Variants in RYR3 observed in about 807,000 individuals in gnomAD.
RYR3 encodes the protein ryanodine receptor 3.
In RYR3, 207 loss-of-function variants were observed where a neutral mutation model predicts 584.3. The ratio of observed to expected loss-of-function variants is 0.35; its 90% confidence interval spans 0.32 to 0.40. The LOEUF (loss-of-function observed/expected upper bound fraction) is 0.40, where lower values mean the gene tolerates loss of function less well. Ranked by LOEUF, RYR3 falls within the 10% of genes least tolerant of loss-of-function variation. The pLI is 1.00. For synonymous variants in RYR3, 2,416 were observed against 2,248.5 expected, an observed-to-expected ratio of 1.07 and a Z score of -2.11; for missense variants, 5,616 against 6,089.2, an observed-to-expected ratio of 0.92 and a Z score of 2.59.
chr15:33,802,038 T>C (rs762431111), intron 69 of RYR3, 77 bp downstream of exon 69: 3 of 914,712 alleles, frequency 3.3e-6, no homozygotes, highest in East Asian at 4.8e-5. Flanking sequence ...TCATACTTTC[T>C]GGGGATTAAC....
intron 30 of RYR3, among the ~76,000 whole-genome samples, chr15:33,648,143 C>T (rs1337548942): frequency 1.3e-5 from 2 of 152,290 alleles, no homozygotes; most frequent in African/African-American, 4.8e-5. Context: ...ACACTGTGCT[C>T]GGCACATTGT....
At chr15:33,482,263 A>G (rs1034521046) in intron 2 of RYR3, among the ~76,000 whole-genome samples, 1 of 152,126 alleles carries the variant, frequency 6.6e-6, no homozygotes, top group African/African-American at 2.4e-5. Context: ...TGAAGATGGC[A>G]TCTTATTGCC....
At chr15:33,836,844 C>T in intron 87 of RYR3, 62 bp from the exon 88 acceptor site, 4 of 1,352,268 alleles carry the variant, frequency 3.0e-6, no homozygotes, top group East Asian at 4.7e-5. Context: ...TCTTCTCGCT[C>T]ACTGCCCTGT....
At chr15:33,482,432 T>TGTTTGAGATGGAGCTTCACTCTTGTCAC (rs1313185987) in intron 2 of RYR3, among the ~76,000 whole-genome samples, 1 of 152,170 alleles carries the variant, frequency 6.6e-6, no homozygotes, top group East Asian at 1.9e-4. Context: ...TGTTTGTTGT[T>TGTTTGAGATGGAGCTTCACTCTTGTCAC]GTTTGAGATG....
At position 33,613,186 on chromosome 15, in the gene RYR3, G is replaced by A. The variant is rs267604157; in HGVS notation, c.2168G>A (p.Arg723Gln). ...GFDGLHLWSG[R>Q]IPRAVASINQ... ...CTTCCTGTTCTTTCCTCACCAGGCC[G>A]GATACCCAGAGCTGTGGCTTCCATC... is the stretch of plus-strand genomic sequence containing the variant. Residue 723 changes from arginine to glutamine, a missense_variant, in exon 19 of 104, where the codon CGG (arginine) becomes CAG (glutamine). Transcript: ENST00000634891. 4 of 1,612,868 alleles carry A rather than the reference G, an allele frequency of 2.5e-6. No individual in the cohort carries two copies. Among genetic ancestry groups the A allele is most frequent in the Non-Finnish European group, 2.5e-6 (3 of 1,179,216 alleles).
At position 33,755,170 on chromosome 15, in the gene RYR3, T is replaced by C. The variant is rs2071688538; in HGVS notation, c.8505T>C (p.Ile2835=). 6.3e-7 allele frequency: 1 copy of C among 1,592,886 alleles called. No individual in the cohort carries two copies. Among genetic ancestry groups the C allele is most frequent in the Non-Finnish European group, 8.6e-7 (1 of 1,162,192 alleles). ...ACGTTGATTCTGCTCAAGAATTTAT[T>C]GCCCATTTAGGTAAGTATCATCATG... The part of the protein sequence containing the change: ...LKYVDSAQEF[I]AHLEAIVSSG... Residue 2835 remains isoleucine (I), a synonymous_variant, in exon 58 of 104, where the codon ATT becomes ATC. Transcript: ENST00000634891.
intron 25 of RYR3, 48 bp from the exon 26 acceptor site, chr15:33,635,566 T>A (rs1291425748): frequency 6.9e-7 from 1 of 1,455,440 alleles, no homozygotes. Context: ...AGGTCTACGT[T>A]CTCTCTTTCC....
At chr15:33,579,035 G>A (rs1484213415) in intron 12 of RYR3, among the ~76,000 whole-genome samples, 1 of 151,260 alleles carries the variant, frequency 6.6e-6, no homozygotes, top group Non-Finnish European at 1.5e-5. Context: ...GATTAAAACA[G>A]AAAAAGAGAC....
chr15:33,367,525 T>A (rs2141059078), intron 1 of RYR3, among the ~76,000 whole-genome samples: 1 of 152,312 alleles, frequency 6.6e-6, no homozygotes, highest in African/African-American at 2.4e-5. Flanking sequence ...CATAAGAATA[T>A]AAGAGTGCCC....
At position 33,838,453 on chromosome 15, in the gene RYR3, A is replaced by G. The variant is rs2078169131; in HGVS notation, c.12473A>G (p.Lys4158Arg). 2 of 1,613,930 alleles carry G rather than the reference A, an allele frequency of 1.2e-6. No homozygotes were observed. Among genetic ancestry groups the G allele is most frequent in the Admixed American group, 3.3e-5 (2 of 60,000 alleles). Residue 4158 changes from lysine (K) to arginine (R), a missense_variant, in exon 89 of 104, where the codon AAG (lysine) becomes AGG (arginine). Physicochemically the swap from Lys to Arg is conservative, Grantham distance 26. Around this residue, in one of 9 missense-constraint regions of RYR3, gnomAD observed 918 missense variants for 887.4 expected, o/e 1.03. Transcript: ENST00000634891. ...SVKRNVTDFL[K>R]RATLKNLRKQ... ...AAGAGGAATGTCACCGACTTCCTGAAGAGAGCAACCCTGAAGAACCTCAGG... is the reference window on the plus strand; with the variant it reads ...AAGAGGAATGTCACCGACTTCCTGAGGAGAGCAACCCTGAAGAACCTCAGG...
At chr15:33,816,770 AG>A in intron 74 of RYR3, 91 bp from the exon 75 acceptor site, 1 of 748,906 alleles carries the variant, frequency 1.3e-6, no homozygotes, top group Non-Finnish European at 2.2e-6. Context: ...ATTGTACAAA[AG>A]TCTGTCCTGC....
chr15:33,610,471 G>A (rs1485802494), intron 18 of RYR3, among the ~76,000 whole-genome samples: 1 of 152,160 alleles, frequency 6.6e-6, no homozygotes, highest in Admixed American at 6.5e-5. Context: ...CCAGTCCCAG[G>A]TGTAGTATCT....
At chr15:33,520,461 G>A (rs2053897219) in intron 3 of RYR3, among the ~76,000 whole-genome samples, 1 of 152,160 alleles carries the variant, frequency 6.6e-6, no homozygotes, top group Non-Finnish European at 1.5e-5. Flanking sequence ...TGAGGAGGAG[G>A]AGTATGGGTG....
chr15:33,556,471 A>T (rs1485659148), intron 10 of RYR3, among the ~76,000 whole-genome samples: 1 of 152,224 alleles, frequency 6.6e-6, no homozygotes, highest in African/African-American at 2.4e-5. Context: ...ATGCTGCATT[A>T]GAGTTCAAAA....
intron 29 of RYR3, 39 bp downstream of exon 29, chr15:33,646,565 T>C (rs1333539996): frequency 1.0e-5 from 16 of 1,563,914 alleles, no homozygotes; most frequent in Non-Finnish European, 1.4e-5. Context: ...GCACTCATTG[T>C]ATCTCCTGTA....
At chr15:33,841,686 T>C (rs1596956201) in intron 90 of RYR3, 178 bp from the exon 91 acceptor site, 5 of 585,248 alleles carry the variant, frequency 8.5e-6, no homozygotes, top group Admixed American at 3.0e-5. Context: ...CTCATCCTCA[T>C]TGAATATAAA....
At chr15:33,860,526 C>A in intron 100 of RYR3, 69 bp from the exon 101 acceptor site, 1 of 887,732 alleles carries the variant, frequency 1.1e-6, no homozygotes, top group Non-Finnish European at 1.7e-6. Flanking sequence ...AAAGTAGCTT[C>A]TTCCTTTATC....
At chr15:33,312,062 G>T (rs1043328310) in intron 1 of RYR3, among the ~76,000 whole-genome samples, 5 of 152,268 alleles carry the variant, frequency 3.3e-5, no homozygotes, top group African/African-American at 1.2e-4. Context: ...AATGTAACCA[G>T]CGTTTCAGGG....
At chr15:33,690,880 A>G (rs1459115279) in intron 38 of RYR3, among the ~76,000 whole-genome samples, 1 of 152,180 alleles carries the variant, frequency 6.6e-6, no homozygotes, top group Admixed American at 6.5e-5. Context: ...ACCTTATTAC[A>G]TGTTACATAA....
Sources: allele counts gnomAD v4.1 joint callset (sites outside exome capture counted in the v4.1 genomes callset), GRCh38; gene constraint gnomAD v4.1.1; regional missense constraint gnomAD v4.1.1; transcripts MANE v1.5; gene names NCBI Gene and HGNC (gene_info 2026-07-23, HGNC 2026-07-21).